The following ERC2 variants were observed in gnomAD, a reference collection of about 807,000 sequenced individuals.
ERC2 encodes ERC protein 2.
A neutral mutation model predicts 114.8 loss-of-function variants in ERC2; 42 were observed. That is an observed-to-expected ratio of 0.37 (90% CI 0.29 to 0.47). The LOEUF (loss-of-function observed/expected upper bound fraction) is 0.47, where lower values mean the gene tolerates loss of function less well. Ranked by LOEUF, ERC2 falls within the 20% of genes least tolerant of loss-of-function variation. The pLI is 0.99. For missense variants in ERC2, 939 were observed against 1,150.7 expected, an observed-to-expected ratio of 0.82 and a Z score of 2.66; for synonymous variants, 454 against 425.5, an observed-to-expected ratio of 1.07 and a Z score of -0.82.
At chr3:55,880,407 G>A (rs1179771802) in intron 14 of ERC2, among the ~76,000 whole-genome samples, 1 of 152,004 alleles carries the variant, frequency 6.6e-6, no homozygotes, top group Admixed American at 6.6e-5. Context: ...GTTTTGTTTT[G>A]TTTTTGCTAT....
intron 14 of ERC2, among the ~76,000 whole-genome samples, chr3:55,846,671 C>CTCTCTCTCTCTCTCTCTCTCTT (rs1237050008): frequency 2.6e-5 from 3 of 117,348 alleles, no homozygotes; most frequent in African/African-American, 4.0e-5. Flanking sequence ...CTTATTCATT[C>CTCTCTCTCTCTCTCTCTCTCTT]TCTCTCTCTC....
intron 12 of ERC2, among the ~76,000 whole-genome samples, chr3:55,970,021 G>A (rs2069042852): frequency 6.6e-6 from 1 of 152,198 alleles, no homozygotes; most frequent in Non-Finnish European, 1.5e-5. Context: ...AGGTAACTAA[G>A]ACATTACCAA....
chr3:55,640,575 G>A (rs957376877), intron 17 of ERC2, among the ~76,000 whole-genome samples: 4 of 152,220 alleles, frequency 2.6e-5, no homozygotes, highest in South Asian at 2.1e-4. Context: ...GGGATTCCAA[G>A]AGACTGAACC....
At chr3:55,728,099 T>G (rs2065031976) in intron 15 of ERC2, among the ~76,000 whole-genome samples, 1 of 152,198 alleles carries the variant, frequency 6.6e-6, no homozygotes. Flanking sequence ...GCCATCATGA[T>G]TTATTCATTC....
At chr3:55,664,554 G>C (rs1559468971) in intron 17 of ERC2, among the ~76,000 whole-genome samples, 1 of 152,234 alleles carries the variant, frequency 6.6e-6, no homozygotes, top group African/African-American at 2.4e-5. Flanking sequence ...TTGCTGGGTG[G>C]TGGGGAGGAG....
At chr3:56,263,630 G>A (rs1375916926) in intron 3 of ERC2, among the ~76,000 whole-genome samples, 1 of 152,128 alleles carries the variant, frequency 6.6e-6, no homozygotes, top group African/African-American at 2.4e-5. Flanking sequence ...CAGAAGGTCT[G>A]ACCAAACCAA....
At chr3:56,391,589 A>G (rs917996630) in intron 2 of ERC2, among the ~76,000 whole-genome samples, 6 of 152,174 alleles carry the variant, frequency 3.9e-5, no homozygotes, top group African/African-American at 1.2e-4. Context: ...TAGCAACTCA[A>G]ATAAGTAGGT....
chr3:56,367,726 A>G (rs1462420710), intron 2 of ERC2, among the ~76,000 whole-genome samples: 1 of 152,098 alleles, frequency 6.6e-6, no homozygotes, highest in East Asian at 1.9e-4. Context: ...AAACTTTATC[A>G]AGCTGCAAAC....
At chr3:55,645,944 A>G (rs1187398357) in intron 17 of ERC2, among the ~76,000 whole-genome samples, 5 of 152,204 alleles carry the variant, frequency 3.3e-5, no homozygotes, top group Non-Finnish European at 7.3e-5. Flanking sequence ...CATGTTGCAC[A>G]TAGTGGCTGG....
intron 3 of ERC2, among the ~76,000 whole-genome samples, chr3:56,216,813 C>A (rs1426062831): frequency 1.3e-5 from 2 of 152,160 alleles, no homozygotes; most frequent in Non-Finnish European, 2.9e-5. Context: ...GGGCTTCATC[C>A]CTGGGATGCA....
At chr3:56,336,907 C>G (rs1388530631) in intron 2 of ERC2, among the ~76,000 whole-genome samples, 4 of 151,932 alleles carry the variant, frequency 2.6e-5, no homozygotes, top group Non-Finnish European at 5.9e-5. Flanking sequence ...ATCACTAATA[C>G]CAAAACTTAA....
chr3:56,009,128 C>T (rs886152435), intron 9 of ERC2, among the ~76,000 whole-genome samples: 3 of 152,154 alleles, frequency 2.0e-5, no homozygotes, highest in African/African-American at 7.2e-5. Flanking sequence ...GCTTATGCTC[C>T]ACCACTTCAT....
chr3:55,937,062 C>T (rs1050148328), intron 13 of ERC2, among the ~76,000 whole-genome samples: 19 of 152,214 alleles, frequency 1.2e-4, no homozygotes, highest in African/African-American at 4.1e-4. Context: ...AATTACAGGC[C>T]GGGCACAGTG....
At chr3:56,143,671 A>C (rs1560248378) in intron 5 of ERC2, among the ~76,000 whole-genome samples, 1 of 152,336 alleles carries the variant, frequency 6.6e-6, no homozygotes, top group East Asian at 1.9e-4. Flanking sequence ...GTATGTCTTT[A>C]TTAGCAGCAT....
intron 6 of ERC2, among the ~76,000 whole-genome samples, chr3:56,133,298 A>G (rs1036959766): frequency 6.6e-5 from 10 of 152,092 alleles, no homozygotes; most frequent in Admixed American, 5.9e-4. Flanking sequence ...TTAGCTGGGT[A>G]TGGTGTTGCA....
At chr3:56,267,615 CA>C (rs56998182) in intron 3 of ERC2, among the ~76,000 whole-genome samples, 49 of 144,106 alleles carry the variant, frequency 3.4e-4, no homozygotes, top group South Asian at 6.7e-4. Flanking sequence ...ACTAAAAATA[CA>C]AAAAAAAAAA....
chr3:55,602,968 G>A (rs772837202), intron 17 of ERC2, among the ~76,000 whole-genome samples: 1 of 152,146 alleles, frequency 6.6e-6, no homozygotes, highest in Non-Finnish European at 1.5e-5. Context: ...GGGCATGCCT[G>A]TCTTGTCCCT....
intron 13 of ERC2, among the ~76,000 whole-genome samples, chr3:55,940,276 C>T (rs2149422396): frequency 6.6e-6 from 1 of 152,080 alleles, no homozygotes; most frequent in African/African-American, 2.4e-5. Flanking sequence ...ATACAAGCCC[C>T]TCTTTTGTAG....
chr3:55,672,048 T>C (rs2061582062), intron 17 of ERC2, among the ~76,000 whole-genome samples: 1 of 152,192 alleles, frequency 6.6e-6, no homozygotes, highest in Non-Finnish European at 1.5e-5. Context: ...TTATGACTAT[T>C]TTTTAAAATA....
Sources: allele counts gnomAD v4.1 joint callset (sites outside exome capture counted in the v4.1 genomes callset), GRCh38; gene constraint gnomAD v4.1.1; transcripts MANE v1.5; gene names NCBI Gene and HGNC (gene_info 2026-07-23, HGNC 2026-07-21).